Variants in GARIN2 observed in about 807,000 individuals in gnomAD.
GARIN2 encodes the protein Golgi-associated RAB2 interactor protein 2.
At chr14:67,194,322 C>T in the GARIN2 span, among the ~76,000 whole-genome samples, 2 of 151,508 alleles carry the variant, frequency 1.3e-5, no homozygotes, top group Admixed American at 1.3e-4. Flanking sequence ...CAAGATCACT[C>T]CATTGCACTC....
the GARIN2 span, chr14:67,203,376 C>T: frequency 2.6e-6 from 3 of 1,155,750 alleles, no homozygotes; most frequent in Admixed American, 8.1e-5. Context: ...ACACTGATGA[C>T]AATTGCGCCA....
At chr14:67,225,787 C>G in the GARIN2 span, among the ~76,000 whole-genome samples, 1 of 152,142 alleles carries the variant, frequency 6.6e-6, no homozygotes, top group East Asian at 1.9e-4. Context: ...TTCGAAACAC[C>G]AGCTCTGCAG....
chr14:67,195,747 G>GTA, the GARIN2 span, among the ~76,000 whole-genome samples: 43 of 151,874 alleles, frequency 2.8e-4, no homozygotes, highest in Middle Eastern at 3.4e-3. Context: ...GTGTGTGTGT[G>GTA]TGTGTGTGTG....
the GARIN2 span, among the ~76,000 whole-genome samples, chr14:67,212,729 A>C: frequency 1.4e-5 from 2 of 144,928 alleles, no homozygotes; most frequent in African/African-American, 5.1e-5. Context: ...TAACTACTCA[A>C]AGCTGGTTTT....
chr14:67,197,394 G>C, the GARIN2 span: 2 of 152,116 alleles, frequency 1.3e-5, no homozygotes, highest in Non-Finnish European at 2.9e-5. Context: ...AACCATGTGG[G>C]CTGCATGGCC....
chr14:67,206,513 A>ACAAG, the GARIN2 span, among the ~76,000 whole-genome samples: 1 of 152,294 alleles, frequency 6.6e-6, no homozygotes, highest in South Asian at 2.1e-4. Context: ...AAACAAACAA[A>ACAAG]CAAAAAAACC....
chr14:67,213,558 T>C, the GARIN2 span, among the ~76,000 whole-genome samples: 11 of 152,006 alleles, frequency 7.2e-5, no homozygotes, highest in African/African-American at 2.4e-4. Flanking sequence ...TTAATCCAGT[T>C]TATCATTGTT....
chr14:67,204,662 C>T, the GARIN2 span: 1 of 1,613,902 alleles, frequency 6.2e-7, no homozygotes, highest in Non-Finnish European at 8.5e-7. Flanking sequence ...AAACAGGACA[C>T]CTTGTTTTCT....
the GARIN2 span, among the ~76,000 whole-genome samples, chr14:67,196,423 G>T: frequency 6.6e-6 from 1 of 151,742 alleles, no homozygotes; most frequent in African/African-American, 2.4e-5. Context: ...CACGACGTTG[G>T]CCAGGCCAGG....
the GARIN2 span, among the ~76,000 whole-genome samples, chr14:67,216,883 G>A: frequency 6.6e-6 from 1 of 152,094 alleles, no homozygotes; most frequent in Non-Finnish European, 1.5e-5. Flanking sequence ...AATGTGTACT[G>A]TGCAGCTGTT....
chr14:67,225,972 C>CGCGCGCGTGCGCATGCGCGT, the GARIN2 span, among the ~76,000 whole-genome samples: 1 of 107,260 alleles, frequency 9.3e-6, no homozygotes, highest in Admixed American at 9.5e-5. Context: ...TGCGCGCGCG[C>CGCGCGCGTGCGCATGCGCGT]GCGTGCGCAT....
chr14:67,219,867 C>T, the GARIN2 span, among the ~76,000 whole-genome samples: 1 of 152,126 alleles, frequency 6.6e-6, no homozygotes, highest in Non-Finnish European at 1.5e-5. Context: ...ATAAGTAATC[C>T]TCTTAAGCCC....
At chr14:67,192,817 T>C in the GARIN2 span, among the ~76,000 whole-genome samples, 2 of 147,012 alleles carry the variant, frequency 1.4e-5, no homozygotes, top group Non-Finnish European at 3.0e-5. Context: ...TATAGATATC[T>C]ATATGTACAG....
the GARIN2 span, among the ~76,000 whole-genome samples, chr14:67,198,576 C>T: frequency 6.6e-6 from 1 of 152,196 alleles, no homozygotes; most frequent in Non-Finnish European, 1.5e-5. Flanking sequence ...TCATAATCTT[C>T]CCAAAATTAC....
chr14:67,215,515 A>C, the GARIN2 span, among the ~76,000 whole-genome samples: 3 of 150,796 alleles, frequency 2.0e-5, no homozygotes, highest in Non-Finnish European at 4.5e-5. Flanking sequence ...AGATTAAAAA[A>C]CAACAACAAC....
At chr14:67,199,628 G>A in the GARIN2 span, 16 of 1,582,178 alleles carry the variant, frequency 1.0e-5, no homozygotes, top group Non-Finnish European at 1.4e-5. Flanking sequence ...CCATGGCTTA[G>A]CAGCTGGACG....
the GARIN2 span, chr14:67,225,190 G>A: frequency 6.4e-7 from 1 of 1,560,444 alleles, no homozygotes; most frequent in Non-Finnish European, 8.7e-7. Context: ...CCTTTCTCAA[G>A]GGAATGAATG....
chr14:67,204,725 A>G, the GARIN2 span: 1 of 1,613,926 alleles, frequency 6.2e-7, no homozygotes, highest in South Asian at 1.1e-5. Flanking sequence ...AAAGTTTCCA[A>G]AGTGTCGGAG....
At chr14:67,205,201 T>A in the GARIN2 span, 1 of 1,090,286 alleles carries the variant, frequency 9.2e-7, no homozygotes, top group Non-Finnish European at 1.3e-6. Context: ...GGAACCTACC[T>A]ACTCCGAGAA....
Sources: allele counts gnomAD v4.1 joint callset (sites outside exome capture counted in the v4.1 genomes callset), GRCh38; gene constraint gnomAD v4.1.1; transcripts MANE v1.5; gene names NCBI Gene and HGNC (gene_info 2026-07-23, HGNC 2026-07-21).